The following PIGU variants were observed in gnomAD, a reference collection of about 807,000 sequenced individuals.
PIGU encodes phosphatidylinositol glycan anchor biosynthesis class U, also known as GPI-anchor transamidase component PIGU.
Under a neutral mutation model 49.9 loss-of-function variants are expected in PIGU, and 24 were observed. The ratio of observed to expected loss-of-function variants is 0.48; its 90% CI spans 0.35 to 0.68. The LOEUF is 0.68. PIGU is among the 30% of genes least tolerant of loss of function. The pLI is 0.01. For missense variants in PIGU, 490 were observed against 532.6 expected (o/e 0.92, Z 0.79); for synonymous variants, 220 against 205.7 (o/e 1.07, Z -0.59).
At chr20:34,664,052 C>CATAT (rs1287432371) in intron 1 of PIGU, among the ~76,000 whole-genome samples, 421 of 152,296 alleles carry the variant, frequency 2.8e-3, no homozygotes, top group African/African-American at 9.6e-3. Flanking sequence ...TGGCAAATGC[C>CATAT]TGGAGTGTGG....
chr20:34,666,496 A>T (rs1388251811), intron 1 of PIGU, among the ~76,000 whole-genome samples: 22 of 151,272 alleles, frequency 1.5e-4, no homozygotes, highest in Admixed American at 1.5e-3. Context: ...CTGATAACTA[A>T]CCCATGAAGC....
Position 34,637,895 on chromosome 20 carries a change from G to C in PIGU, c.409C>G (p.Pro137Ala). 1 of 1,610,810 alleles carries C rather than the reference G, an allele frequency of 6.2e-7. No homozygotes were observed. Among genetic ancestry groups the C allele is most frequent in the East Asian group, 2.2e-5 (1 of 44,618 alleles). Residue 137 changes from proline to alanine, a missense_variant, in exon 5 of 12, where the codon CCT becomes GCT. Coordinates refer to ENST00000217446, the MANE Select transcript of PIGU (RefSeq NM_080476.5). ...ACTTACAACAGGGCCACTTTCAAAGGGATGTAACGCATTTCCATAGGGGTC... is the reference window on the plus strand; with the variant it reads ...ACTTACAACAGGGCCACTTTCAAAGCGATGTAACGCATTTCCATAGGGGTC... The part of the protein sequence containing the change: ...IRTPMEMRYI[P>A]LKVALFYLLN...
intron 11 of PIGU, among the ~76,000 whole-genome samples, chr20:34,563,743 G>A (rs553248937): frequency 6.6e-6 from 1 of 152,206 alleles, no homozygotes; most frequent in East Asian, 1.9e-4. Context: ...GCCTAGGGGG[G>A]TCTAGACTTG....
At chr20:34,650,760 C>T (rs1172599881) in intron 2 of PIGU, among the ~76,000 whole-genome samples, 3 of 90,838 alleles carry the variant, frequency 3.3e-5, no homozygotes, top group African/African-American at 4.4e-5. Flanking sequence ...GTCATCCAGT[C>T]GGGAATGCGG....
chr20:34,610,280 T>G (rs1426226644), intron 7 of PIGU, among the ~76,000 whole-genome samples: 1 of 152,154 alleles, frequency 6.6e-6, no homozygotes, highest in Non-Finnish European at 1.5e-5. Flanking sequence ...TGTTTGCAGA[T>G]GACATGAGTG....
At chr20:34,636,200 C>CA (rs895124554) in intron 5 of PIGU, among the ~76,000 whole-genome samples, 2 of 150,978 alleles carry the variant, frequency 1.3e-5, no homozygotes, top group African/African-American at 4.9e-5. Context: ...GACTCCATCT[C>CA]AAAAAAACAA....
intron 4 of PIGU, among the ~76,000 whole-genome samples, chr20:34,639,535 TGA>T (rs201901133): frequency 2.0e-5 from 3 of 150,170 alleles, no homozygotes; most frequent in South Asian, 2.1e-4. Context: ...GATGAAAGTA[TGA>T]GAGAGAGAGA....
chr20:34,634,518 G>A (rs1175254939), intron 6 of PIGU, 97 bp downstream of exon 6: 13 of 1,400,058 alleles, frequency 9.3e-6, no homozygotes, highest in Non-Finnish European at 1.2e-5. Flanking sequence ...TTTAAGTGTT[G>A]CATTAAAAAA....
At chr20:34,588,085 C>T (rs750668055) in intron 8 of PIGU, among the ~76,000 whole-genome samples, 5 of 152,092 alleles carry the variant, frequency 3.3e-5, no homozygotes, top group Non-Finnish European at 5.9e-5. Context: ...AACCCTGTCT[C>T]TACTAAAAAT....
chr20:34,664,128 G>A (rs566560912), intron 1 of PIGU, among the ~76,000 whole-genome samples: 2 of 152,190 alleles, frequency 1.3e-5, no homozygotes, highest in South Asian at 2.1e-4. Context: ...TGGGCAAAGG[G>A]TCAGACTATG....
At chr20:34,664,437 G>A (rs1460745589) in intron 1 of PIGU, among the ~76,000 whole-genome samples, 4 of 152,208 alleles carry the variant, frequency 2.6e-5, no homozygotes, top group African/African-American at 7.2e-5. Context: ...AGTGGCTCAC[G>A]CCTGTAATCC....
chr20:34,645,683 C>G (rs527998025), intron 2 of PIGU, among the ~76,000 whole-genome samples: 2 of 152,262 alleles, frequency 1.3e-5, no homozygotes, highest in African/African-American at 4.8e-5. Context: ...ATCACCAGGT[C>G]AGGAGATGGA....
chr20:34,623,957 G>C (rs1985353338), intron 6 of PIGU, among the ~76,000 whole-genome samples: 1 of 152,148 alleles, frequency 6.6e-6, no homozygotes, highest in African/African-American at 2.4e-5. Flanking sequence ...GGATCACCAG[G>C]CCTCAGGATC....
At chr20:34,585,655 G>A (rs1983670933) in intron 8 of PIGU, 75 bp from the exon 9 acceptor site, 1 of 1,536,896 alleles carries the variant, frequency 6.5e-7, no homozygotes, top group East Asian at 2.2e-5. Flanking sequence ...GATTTCTCCT[G>A]AAGACTTTGG....
At chr20:34,587,186 T>G (rs1288496732) in intron 8 of PIGU, among the ~76,000 whole-genome samples, 1 of 152,196 alleles carries the variant, frequency 6.6e-6, no homozygotes, top group African/African-American at 2.4e-5. Context: ...TCAGAACCTC[T>G]GAGGGTGGGC....
intron 8 of PIGU, among the ~76,000 whole-genome samples, chr20:34,587,501 G>A (rs776779505): frequency 7.2e-5 from 11 of 152,060 alleles, no homozygotes; most frequent in East Asian, 3.9e-4. Context: ...TGGTGGGAAC[G>A]ATTGAAATTT....
In PIGU at chr20:34,604,866, G is replaced by A. The variant is rs368986750; in HGVS notation, c.627+11176C>T. ...AAAGCAAAACCAAAAGAGTACTCAC[G>A]GGGTAATTTCCCCTAGTGTCTGCTA... On this transcript the variant is annotated intron_variant, in intron 7 of 11. Coordinates refer to ENST00000217446, the MANE Select transcript of PIGU (RefSeq NM_080476.5). Among the ~76,000 whole-genome samples the A allele has an allele frequency of 6.6e-5, 10 of 152,166 alleles. No homozygotes were observed. The East Asian group carries it at 1.3e-3, about 20-fold the overall frequency.
intron 1 of PIGU, among the ~76,000 whole-genome samples, chr20:34,670,157 T>C (rs1403895536): frequency 6.6e-6 from 1 of 151,472 alleles, no homozygotes; most frequent in East Asian, 1.9e-4. Context: ...TTGTTATGTG[T>C]GTCTTACAAA....
intron 6 of PIGU, among the ~76,000 whole-genome samples, chr20:34,629,309 A>C (rs1407266396): frequency 6.6e-6 from 1 of 152,204 alleles, no homozygotes; most frequent in Non-Finnish European, 1.5e-5. Flanking sequence ...GGCGTGAGCC[A>C]CCATGCCGGG....
Sources: allele counts gnomAD v4.1 joint callset (sites outside exome capture counted in the v4.1 genomes callset), GRCh38; gene constraint gnomAD v4.1.1; transcripts MANE v1.5; gene names NCBI Gene and HGNC (gene_info 2026-07-23, HGNC 2026-07-21).